The following SYMPK variants were observed in gnomAD, a reference collection of about 807,000 sequenced individuals.
The protein encoded by SYMPK is symplekin scaffold protein, also known as symplekin.
A neutral mutation model predicts 136.4 loss-of-function variants in SYMPK; 49 were observed. The observed-to-expected ratio is 0.36, with a 90% CI of 0.29 to 0.46. The LOEUF (loss-of-function observed/expected upper bound fraction) is 0.46. Ranked by LOEUF, SYMPK falls within the 20% of genes least tolerant of loss-of-function variation. The pLI is 1.00. For missense variants in SYMPK, 1,365 were observed against 1,690.0 expected (o/e 0.81, Z 3.37); for synonymous variants, 766 against 713.0 (o/e 1.07, Z -1.19).
intron 3 of SYMPK, among the ~76,000 whole-genome samples, chr19:45,853,613 C>CA (rs113932332): frequency 0.014 from 1,736 of 124,292 alleles, 15 homozygotes; most frequent in East Asian, 0.037. Context: ...GACTCTGCCT[C>CA]AAAAAAAAAA....
chr19:45,850,416 C>G (rs553474771), intron 5 of SYMPK, among the ~76,000 whole-genome samples: 10 of 152,304 alleles, frequency 6.6e-5, no homozygotes, highest in Non-Finnish European at 1.0e-4. Context: ...CAGTGCCTTA[C>G]AAACAAATAT....
chr19:45,854,538 A>G (rs1409646419), intron 1 of SYMPK, 31 bp from the exon 2 acceptor site: 5 of 1,583,922 alleles, frequency 3.2e-6, no homozygotes, highest in Admixed American at 3.4e-5. Flanking sequence ...GGATGGATCA[A>G]GCTCAGGGAA....
chr19:45,852,217 G>A (rs988040185), intron 5 of SYMPK, 95 bp downstream of exon 5: 16 of 1,255,542 alleles, frequency 1.3e-5, no homozygotes, highest in Non-Finnish European at 1.9e-5. Flanking sequence ...GGGAAGCAGA[G>A]GGCAGGCCTC....
intron 22 of SYMPK, among the ~76,000 whole-genome samples, chr19:45,818,639 C>T (rs1405795419): frequency 3.9e-5 from 6 of 152,136 alleles, no homozygotes; most frequent in Non-Finnish European, 8.8e-5. Context: ...GGGTGCCAGG[C>T]TAAGGGCTGT....
At chr19:45,823,568 A>G (rs1970961000) in intron 19 of SYMPK, 96 bp from the exon 20 acceptor site, 1 of 1,211,194 alleles carries the variant, frequency 8.3e-7, no homozygotes, top group East Asian at 2.4e-5. Flanking sequence ...GTGTGCAGGA[A>G]GGGATGGCAA....
At chr19:45,858,395 G>A (rs937928256) in intron 1 of SYMPK, among the ~76,000 whole-genome samples, 1 of 152,060 alleles carries the variant, frequency 6.6e-6, no homozygotes, top group African/African-American at 2.4e-5. Flanking sequence ...CAAAGACTTT[G>A]TGCCTCTCTT....
At chr19:45,820,909 T>TG in intron 22 of SYMPK, 1 of 567,624 alleles carries the variant, frequency 1.8e-6, no homozygotes, top group East Asian at 3.0e-5. Flanking sequence ...GCTCAGTGAG[T>TG]GGGGGCCATC....
intron 2 of SYMPK, 30 bp from the exon 3 acceptor site, chr19:45,854,270 T>C: frequency 1.9e-6 from 3 of 1,613,456 alleles, no homozygotes; most frequent in Non-Finnish European, 2.5e-6. Context: ...CAGGGGATAG[T>C]GCCAGCCCAG....
intron 1 of SYMPK, 173 bp from the exon 2 acceptor site, chr19:45,854,680 A>T (rs1971779350): frequency 1.7e-6 from 1 of 601,936 alleles, no homozygotes. Flanking sequence ...TGGCTTATGG[A>T]TATGTGCACG....
At chr19:45,823,547 G>C (rs559224209) in intron 19 of SYMPK, 75 bp from the exon 20 acceptor site, 4 of 1,410,614 alleles carry the variant, frequency 2.8e-6, no homozygotes, top group Admixed American at 1.8e-5. Context: ...CCAGGAAAGA[G>C]AAGCAGGCAG....
At chr19:45,817,005 G>A (rs1475746138) in intron 23 of SYMPK, 31 bp from the exon 24 acceptor site, 1 of 1,547,390 alleles carries the variant, frequency 6.5e-7, no homozygotes, top group Admixed American at 2.0e-5. Context: ...GCCGTCGGGA[G>A]AGGCACACAG....
At chr19:45,860,965 A>G (rs76123550) in intron 1 of SYMPK, among the ~76,000 whole-genome samples, 180 of 152,394 alleles carry the variant, frequency 1.2e-3, no homozygotes, top group African/African-American at 4.1e-3. Flanking sequence ...GCATGGCTGC[A>G]TATCTTCCTT....
chr19:45,842,812 C>T (rs1033985900), intron 8 of SYMPK: 2 of 292,878 alleles, frequency 6.8e-6, no homozygotes, highest in African/African-American at 4.4e-5. Context: ...CTTTTGCCTC[C>T]AGAAACCCCC....
chr19:45,846,184 C>G (rs1004991038), intron 7 of SYMPK, among the ~76,000 whole-genome samples: 2 of 152,108 alleles, frequency 1.3e-5, no homozygotes, highest in Non-Finnish European at 2.9e-5. Context: ...TGCAGTGAGC[C>G]GAGATAGCGC....
intron 14 of SYMPK, 126 bp from the exon 15 acceptor site, chr19:45,828,044 C>G (rs4239535): frequency 0.85 from 670,851 of 791,302 alleles, 284,704 homozygotes; most frequent in African/African-American, 0.89. Context: ...CAAGCCCCTG[C>G]TTATAAAGCT....
chr19:45,856,422 T>C (rs1226520035), intron 1 of SYMPK, among the ~76,000 whole-genome samples: 2 of 152,130 alleles, frequency 1.3e-5, no homozygotes, highest in Non-Finnish European at 2.9e-5. Context: ...TACATGCAGT[T>C]CAAGCCATTT....
chr19:45,852,198 A>T (rs1971710276), intron 5 of SYMPK, 114 bp downstream of exon 5: 1 of 1,065,364 alleles, frequency 9.4e-7, no homozygotes. Flanking sequence ...TGAGAGAGAG[A>T]AAGGGTCTGG....
chr19:45,862,952 G>A lies in SYMPK; in HGVS notation c.-13+106C>T, dbSNP rs1036678641. On this transcript the variant is annotated intron_variant, in intron 1 of 26. Coordinates refer to ENST00000245934, the MANE Select transcript of SYMPK (RefSeq NM_004819.3). ...AAGGGAAGAAACATGGGTCGCGAAA[G>A]CCACTGTTCCCCTCTCCCCACGGCG... 7 of 399,978 alleles carry A rather than the reference G, an allele frequency of 1.8e-5. No homozygotes were observed. In the South Asian group the frequency reaches 3.9e-4, roughly 22 times the overall value. 24.8% of individuals were successfully genotyped at this position (399,978 alleles called of 1,614,324 possible).
chr19:45,816,044 C>T lies in SYMPK; in HGVS notation c.3494G>A (p.Gly1165Glu). ...AGAGGGGGAGGAAGAGGAGGGGGCT[C>T]CCACTCCTCCCGGCTTCAGCTTCTG... ...EEQKLKPGGV[G>E]APSSSSPSPS... The change falls in exon 26 of 27, where the codon GGA becomes GAA. Residue 1165 changes from glycine (G) to glutamate (E), a missense_variant. Physicochemically the swap from Gly to Glu is moderately conservative, Grantham distance 98 (BLOSUM62 -2). Transcript: ENST00000245934. The T allele has an allele frequency of 1.3e-6, 2 of 1,571,810 alleles. No homozygotes were observed. The highest frequency in any genetic ancestry group is 1.3e-5 in the African/African-American group (1 of 74,310).
Sources: allele counts gnomAD v4.1 joint callset (sites outside exome capture counted in the v4.1 genomes callset), GRCh38; gene constraint gnomAD v4.1.1; transcripts MANE v1.5; gene names NCBI Gene and HGNC (gene_info 2026-07-23, HGNC 2026-07-21).